The following TLK1 variants were observed in gnomAD, a reference collection of about 807,000 sequenced individuals.
TLK1 encodes the protein tousled like kinase 1.
A neutral mutation model predicts 105.3 loss-of-function variants in TLK1; 24 were observed. The ratio of observed to expected loss-of-function variants is 0.23; its 90% CI spans 0.17 to 0.32. The LOEUF (loss-of-function observed/expected upper bound fraction) is 0.32. Among genes scored for constraint, TLK1 ranks in the 10% least tolerant of loss-of-function variants. TLK1 has a pLI of 1.00. For missense variants in TLK1, 558 were observed against 910.5 expected (o/e 0.61, Z 4.98); for synonymous variants, 321 against 310.4 (o/e 1.03, Z -0.36).
At chr2:171,216,926 C>A (rs969944282) in intron 1 of TLK1, among the ~76,000 whole-genome samples, 4 of 152,194 alleles carry the variant, frequency 2.6e-5, no homozygotes, top group Admixed American at 2.6e-4. Context: ...GGGAATGCAG[C>A]CCTGCCTTGA....
chr2:171,159,310 A>C (rs1204642716), intron 1 of TLK1, among the ~76,000 whole-genome samples: 1 of 152,326 alleles, frequency 6.6e-6, no homozygotes, highest in East Asian at 1.9e-4. Flanking sequence ...GCGTTAAAAG[A>C]CATTCCATGC....
At chr2:171,222,978 C>T (rs1693835482) in intron 1 of TLK1, among the ~76,000 whole-genome samples, 1 of 152,044 alleles carries the variant, frequency 6.6e-6, no homozygotes, top group East Asian at 1.9e-4. Flanking sequence ...CCACGCCCAA[C>T]TAATTTTTGT....
intron 12 of TLK1, among the ~76,000 whole-genome samples, chr2:171,017,241 A>C (rs1185074064): frequency 6.6e-6 from 1 of 152,104 alleles, no homozygotes; most frequent in Non-Finnish European, 1.5e-5. Flanking sequence ...GAAATGTAGA[A>C]TCTAGATTCA....
rs546813488 is a variant in TLK1 at position 171,104,175 on chromosome 2, C to T, written c.258+13564G>A. Among the ~76,000 whole-genome samples, 5 of 151,628 alleles carry T rather than the reference C, an allele frequency of 3.3e-5. No homozygotes were observed. The East Asian group carries it at 9.7e-4, about 29-fold the overall frequency. On this transcript the variant is annotated intron_variant, in intron 2 of 20. Transcript: ENST00000431350. The stretch of plus-strand genomic sequence containing the variant: ...CCTGTAATCCCAGCTACTTGGGAGG[C>T]TGAGGCATGAGAATTGCTTGAACCT...
chr2:171,011,654 G>A (rs752277642), intron 13 of TLK1, among the ~76,000 whole-genome samples, 200 bp from the exon 14 acceptor site: 29 of 152,010 alleles, frequency 1.9e-4, no homozygotes, highest in Non-Finnish European at 2.9e-4. Context: ...AGGCTTTGGC[G>A]CTCACAAAAC....
intron 8 of TLK1, among the ~76,000 whole-genome samples, chr2:171,052,762 A>G (rs1575555525): frequency 6.6e-6 from 1 of 152,242 alleles, no homozygotes; most frequent in East Asian, 1.9e-4. Flanking sequence ...TGGGTGTGAG[A>G]AAGTAAATAT....
chr2:171,115,897 G>A (rs1690404599), intron 2 of TLK1, among the ~76,000 whole-genome samples: 1 of 152,146 alleles, frequency 6.6e-6, no homozygotes. Flanking sequence ...TTTTATGTTT[G>A]TGAGCCAAAA....
Position 171,014,962 on chromosome 2 carries a change from G to T in TLK1, c.1237-14C>A. The T allele has an allele frequency of 6.3e-7, 1 of 1,589,596 alleles. No homozygotes were observed. Among genetic ancestry groups the T allele is most frequent in the Non-Finnish European group, 8.6e-7 (1 of 1,158,198 alleles). The stretch of plus-strand genomic sequence containing the variant: ...TTCTGCCTCTTCCTGAAAATGAAGA[G>T]AGGGGACTATAACAAGCTCAATTTA... On this transcript the variant is annotated splice_polypyrimidine_tract_variant and intron_variant, in intron 12 of 20. Transcript: ENST00000431350.
intron 1 of TLK1, among the ~76,000 whole-genome samples, chr2:171,189,828 C>T (rs75003625): frequency 0.037 from 5,620 of 152,172 alleles, 342 homozygotes; most frequent in African/African-American, 0.13. Context: ...CCACCTCCAG[C>T]ATTGTATTTG....
chr2:171,169,990 T>C (rs149310824), intron 1 of TLK1, among the ~76,000 whole-genome samples: 5 of 152,170 alleles, frequency 3.3e-5, no homozygotes, highest in Admixed American at 6.5e-5. Context: ...AAACTAAGTC[T>C]GCAGAGCAAA....
intron 1 of TLK1, among the ~76,000 whole-genome samples, chr2:171,148,890 A>AAAAAAAAAAAAAAAAATAT (rs1445171800): frequency 7.2e-6 from 1 of 138,470 alleles, no homozygotes; most frequent in African/African-American, 2.7e-5. Flanking sequence ...AAAAAAAAAA[A>AAAAAAAAAAAAAAAAATAT]ATATATATAT....
At chr2:171,072,318 G>C (rs1406834902) in intron 3 of TLK1, among the ~76,000 whole-genome samples, 3 of 152,080 alleles carry the variant, frequency 2.0e-5, no homozygotes, top group Admixed American at 6.5e-5. Flanking sequence ...TTACTACTTT[G>C]AGTAATGTCT....
At chr2:171,200,279 GT>G (rs1003517505) in intron 1 of TLK1, among the ~76,000 whole-genome samples, 6 of 152,020 alleles carry the variant, frequency 3.9e-5, no homozygotes, top group Non-Finnish European at 7.4e-5. Context: ...TCAAGTGCTT[GT>G]TTTTTCTACC....
intron 18 of TLK1, among the ~76,000 whole-genome samples, chr2:171,003,213 G>A (rs999920481): frequency 4.4e-5 from 6 of 137,574 alleles, no homozygotes; most frequent in Non-Finnish European, 7.6e-5. Context: ...GGCGGAGCTT[G>A]CAGTGAGCCG....
intron 10 of TLK1, 50 bp downstream of exon 10, chr2:171,049,764 T>C: frequency 6.2e-7 from 1 of 1,605,002 alleles, no homozygotes; most frequent in Non-Finnish European, 8.5e-7. Flanking sequence ...TTTAAAGTAA[T>C]GAAAACCCAA....
chr2:171,104,951 T>C (rs888732445), intron 2 of TLK1, among the ~76,000 whole-genome samples: 3 of 152,120 alleles, frequency 2.0e-5, no homozygotes, highest in African/African-American at 7.2e-5. Flanking sequence ...TGGATATCCA[T>C]AGGCAGAAAA....
chr2:171,154,994 A>G (rs143100580), intron 1 of TLK1, among the ~76,000 whole-genome samples: 10 of 152,344 alleles, frequency 6.6e-5, no homozygotes, highest in Middle Eastern at 3.4e-3. Context: ...TGTTATAAGT[A>G]ATGATACATA....
At chr2:171,173,226 T>C (rs1270082063) in intron 1 of TLK1, among the ~76,000 whole-genome samples, 8 of 152,202 alleles carry the variant, frequency 5.3e-5, no homozygotes, top group Non-Finnish European at 1.2e-4. Flanking sequence ...TTATTATAAC[T>C]AAGGAAATAT....
chr2:171,059,548 T>C (rs549804454), intron 4 of TLK1, among the ~76,000 whole-genome samples: 81 of 152,344 alleles, frequency 5.3e-4, no homozygotes, highest in African/African-American at 1.7e-3. Context: ...TTTTTAAATT[T>C]CTGACACTAT....
Sources: gnomAD v4.1 joint callset for allele counts (sites outside exome capture counted in the v4.1 genomes callset) on GRCh38, gnomAD v4.1.1 for gene constraint, MANE v1.5 for transcripts, NCBI Gene and HGNC (gene_info 2026-07-23, HGNC 2026-07-21) for gene names.